RNF14: variants seen among roughly 807,000 people sequenced by gnomAD.
RNF14 encodes E3 ubiquitin-protein ligase RNF14.
A neutral mutation model predicts 52.6 loss-of-function variants in RNF14; 26 were observed. The ratio of observed to expected loss-of-function variants is 0.49; its 90% confidence interval spans 0.36 to 0.69. The LOEUF is 0.69. Ranked by LOEUF, RNF14 falls within the 30% of genes least tolerant of loss-of-function variation. RNF14 has a pLI of 0.00. For missense variants in RNF14, 404 were observed against 560.4 expected (o/e 0.72, Z 2.82); for synonymous variants, 194 against 202.0 (o/e 0.96, Z 0.34).
chr5:141,949,690 C>G, the RNF14 span: 9 of 1,369,566 alleles, frequency 6.6e-6, no homozygotes, highest in East Asian at 2.2e-4. Flanking sequence ...GAACTGGATA[C>G]ACAGCCTGGC....
At chr5:141,955,801 G>T (rs10040926), upstream of RNF14, 139 of 1,613,746 alleles carry the variant, frequency 8.6e-5, no homozygotes, top group South Asian at 6.7e-4. This position sits in a 1 kb window ranked among gnomAD's most constrained non-coding sequence, Gnocchi z 5.5. Flanking sequence ...GGTCTGTAAG[G>T]GGGGGCTTCC....
chr5:141,954,994 G>T (rs1753148421), upstream of RNF14: 1 of 1,613,116 alleles, frequency 6.2e-7, no homozygotes, highest in Non-Finnish European at 8.5e-7. Flanking sequence ...AGAATCCACA[G>T]TGAGCTCCTC....
At chr5:141,971,221 A>G (rs1038824308) in intron 2 of RNF14, among the ~76,000 whole-genome samples, 1 of 152,058 alleles carries the variant, frequency 6.6e-6, no homozygotes, top group Non-Finnish European at 1.5e-5. Flanking sequence ...CTTTCAGTTG[A>G]TGCTATTTTA....
At chr5:141,955,497 TG>T (rs1423820337), upstream of RNF14, 1 of 1,614,180 alleles carries the variant, frequency 6.2e-7, no homozygotes, top group Non-Finnish European at 8.5e-7. The surrounding 1 kb of genome is among the most constrained non-coding windows in gnomAD (Gnocchi z 5.5). Context: ...AAGGCTCACC[TG>T]CCTGACCCCT....
intron 4 of RNF14, among the ~76,000 whole-genome samples, chr5:141,975,518 A>G (rs1475435502): frequency 6.6e-6 from 1 of 152,216 alleles, no homozygotes; most frequent in Non-Finnish European, 1.5e-5. Flanking sequence ...ATATCTCAGT[A>G]AGGCTTGAGG....
At chr5:141,951,593 A>G in the RNF14 span, 1 of 1,612,140 alleles carries the variant, frequency 6.2e-7, no homozygotes, top group Non-Finnish European at 8.5e-7. Context: ...GAGATTTGCT[A>G]CAAGACAGGA....
the RNF14 span, among the ~76,000 whole-genome samples, chr5:141,950,703 G>A: frequency 6.6e-6 from 1 of 152,180 alleles, no homozygotes; most frequent in Non-Finnish European, 1.5e-5. Context: ...GCTGTAAGTT[G>A]TCAGGGCAAG....
upstream of RNF14, chr5:141,954,938 T>C: frequency 5.7e-6 from 9 of 1,583,344 alleles, no homozygotes; most frequent in Non-Finnish European, 7.7e-6. Flanking sequence ...GGTCCAGGAG[T>C]GACCAGAGAA....
At chr5:141,972,001 T>C (rs529803315) in intron 2 of RNF14, among the ~76,000 whole-genome samples, 2 of 152,254 alleles carry the variant, frequency 1.3e-5, no homozygotes, top group South Asian at 4.1e-4. Flanking sequence ...TTTCTTAAAA[T>C]TATTATCTTT....
At chr5:141,963,862 C>T (rs186925098), upstream of RNF14, among the ~76,000 whole-genome samples, 1 of 152,262 alleles carries the variant, frequency 6.6e-6, no homozygotes, top group Admixed American at 6.5e-5. Flanking sequence ...TGGGGCTTCC[C>T]TTTATAAGTT....
At chr5:141,949,474 G>A in the RNF14 span, 2 of 1,614,136 alleles carry the variant, frequency 1.2e-6, no homozygotes, top group Admixed American at 1.7e-5. Context: ...TCTTCTAGCA[G>A]TTGCTTCACA....
chr5:141,972,625 C>G (rs910991640), intron 2 of RNF14, among the ~76,000 whole-genome samples: 2 of 151,602 alleles, frequency 1.3e-5, no homozygotes, highest in African/African-American at 4.8e-5. Flanking sequence ...GAGTCTGACT[C>G]TGTCGCCCAG....
chr5:141,987,848 C>T lies in RNF14; in HGVS notation c.*58C>T, dbSNP rs1181905141. On this transcript the variant is annotated 3_prime_UTR_variant, in exon 9 of 9. Coordinates refer to ENST00000394520, the MANE Select transcript of RNF14 (RefSeq NM_004290.5). Reference sequence around the variant, plus strand: ...TTTTTCCCTAATCTTCCGTCAAGTACACAAAGTAACTTTGCGGGATATTTA... The same window carrying T: ...TTTTTCCCTAATCTTCCGTCAAGTATACAAAGTAACTTTGCGGGATATTTA... 1 of 1,492,544 alleles carries T rather than the reference C, an allele frequency of 6.7e-7. No homozygotes were observed. Among genetic ancestry groups the T allele is most frequent in the African/African-American group, 1.4e-5 (1 of 72,352 alleles). 92.5% of individuals were successfully genotyped at this position (1,492,544 alleles called of 1,614,324 possible).
upstream of RNF14, chr5:141,956,567 T>C (rs144214295): frequency 1.4e-5 from 23 of 1,613,884 alleles, no homozygotes; most frequent in African/African-American, 2.9e-4. Context: ...GCTAACAGAG[T>C]GAGGGTATAT....
At chr5:141,985,832 C>T (rs919717248) in intron 8 of RNF14, among the ~76,000 whole-genome samples, 29 of 152,166 alleles carry the variant, frequency 1.9e-4, no homozygotes, top group South Asian at 6.2e-4. Context: ...GGATTACAGG[C>T]GTGAGCCACC....
At chr5:141,961,449 T>C (rs1194892671) in intron 1 of RNF14, among the ~76,000 whole-genome samples, 1 of 152,122 alleles carries the variant, frequency 6.6e-6, no homozygotes, top group East Asian at 1.9e-4. Context: ...CTCTCCTCCT[T>C]CTGGCTGCAG....
upstream of RNF14, chr5:141,956,185 A>G: frequency 6.2e-7 from 1 of 1,614,186 alleles, no homozygotes; most frequent in Middle Eastern, 1.6e-4. Context: ...ATTGGCATCC[A>G]AGAGGCTGAC....
chr5:141,955,708 G>A (rs761880492), upstream of RNF14: 36 of 1,613,976 alleles, frequency 2.2e-5, no homozygotes, highest in African/African-American at 9.3e-5. The surrounding 1 kb of genome is among the most constrained non-coding windows in gnomAD (Gnocchi z 5.5). Flanking sequence ...CGTCAGCATC[G>A]ACATGCTCAA....
At chr5:141,969,594 T>C (rs1183009004) in intron 1 of RNF14, 1 of 152,180 alleles carries the variant, frequency 6.6e-6, no homozygotes, top group Admixed American at 6.5e-5. Context: ...GAGAAGGAAA[T>C]GGGGGTTAGC....
Sources: allele counts gnomAD v4.1 joint callset (sites outside exome capture counted in the v4.1 genomes callset), GRCh38; gene constraint gnomAD v4.1.1; non-coding constraint Gnocchi (gnomAD v3.1); transcripts MANE v1.5; gene names NCBI Gene and HGNC (gene_info 2026-07-23, HGNC 2026-07-21).